Variants in NTAQ1 observed in about 807,000 individuals in gnomAD.
NTAQ1 encodes the protein protein N-terminal glutamine amidohydrolase.
In NTAQ1, 21 loss-of-function variants were observed where a neutral mutation model predicts 28.2. The ratio of observed to expected loss-of-function variants is 0.74; its 90% confidence interval spans 0.53 to 1.07. The LOEUF (loss-of-function observed/expected upper bound fraction) is 1.07, where lower values mean the gene tolerates loss of function less well. Ranked by LOEUF, NTAQ1 falls within the 50% of genes least tolerant of loss-of-function variation. The probability of loss-of-function intolerance (pLI) is 0.00; values close to 1 mark genes in which losing one functional copy is unlikely to be tolerated. For missense variants in NTAQ1, 264 were observed against 256.6 expected (o/e 1.03, Z -0.20); for synonymous variants, 105 against 90.0 (o/e 1.17, Z -0.94).
intron 1 of NTAQ1, among the ~76,000 whole-genome samples, chr8:123,423,286 C>A (rs1813828391): frequency 8.4e-6 from 1 of 118,418 alleles, no homozygotes; most frequent in South Asian, 3.4e-4. Flanking sequence ...CTCTTTCCTT[C>A]CTTCTCTTCT....
At chr8:123,433,057 G>A (rs1814494974) in intron 3 of NTAQ1, among the ~76,000 whole-genome samples, 1 of 152,188 alleles carries the variant, frequency 6.6e-6, no homozygotes, top group African/African-American at 2.4e-5. Flanking sequence ...ATAACATGGA[G>A]CAGATGGTGG....
At chr8:123,425,371 C>T (rs1389023814) in intron 1 of NTAQ1, among the ~76,000 whole-genome samples, 5 of 152,000 alleles carry the variant, frequency 3.3e-5, no homozygotes, top group South Asian at 2.1e-4. Context: ...GGATTACAGA[C>T]GTAAGCCACC....
At chr8:123,455,798 A>G (rs1815633840) in intron 6 of NTAQ1, among the ~76,000 whole-genome samples, 1 of 152,132 alleles carries the variant, frequency 6.6e-6, no homozygotes, top group Non-Finnish European at 1.5e-5. Flanking sequence ...TTCTGGGACC[A>G]TGTATCATGA....
At position 123,438,819 on chromosome 8, in the gene NTAQ1, TTA is replaced by T. The variant is rs1227875935; in HGVS notation, c.508+1489_508+1490del. ...TGAAAAGCTCTCATAATTTAAAAAA[TTA>T]TATTGGAATTGCTTATCAGTACACA... On this transcript the variant is annotated intron_variant, in intron 5 of 5. Coordinates refer to ENST00000287387, the MANE Select transcript of NTAQ1 (RefSeq NM_018024.3). Among the ~76,000 whole-genome samples, 10 of 152,200 alleles carry T rather than the reference TTA, an allele frequency of 6.6e-5. No individual in the cohort carries two copies. The East Asian group carries it at 1.9e-3, about 29-fold the overall frequency.
intron 3 of NTAQ1, among the ~76,000 whole-genome samples, chr8:123,432,978 C>A (rs935723039): frequency 1.4e-4 from 21 of 152,108 alleles, no homozygotes; most frequent in African/African-American, 4.8e-4. Flanking sequence ...CTGTGCCTGT[C>A]CTCCTGTAAT....
intron 4 of NTAQ1, 62 bp downstream of exon 4, chr8:123,436,663 G>A: frequency 2.0e-6 from 3 of 1,532,358 alleles, no homozygotes; most frequent in Non-Finnish European, 1.8e-6. Flanking sequence ...ATTCCACAGA[G>A]GTTCTTTTTT....
chr8:123,420,835 G>T (rs927252648), intron 1 of NTAQ1, among the ~76,000 whole-genome samples: 11 of 152,016 alleles, frequency 7.2e-5, no homozygotes, highest in African/African-American at 2.7e-4. Context: ...CTGTCACCAG[G>T]CTGGAGTGCA....
At chr8:123,434,845 G>A (rs1429908878) in intron 3 of NTAQ1, among the ~76,000 whole-genome samples, 1 of 152,104 alleles carries the variant, frequency 6.6e-6, no homozygotes. Context: ...GGCAGTGGTG[G>A]ACTGTTTGGG....
Position 123,441,375 on chromosome 8 carries a change from T to C in NTAQ1, c.578T>C (p.Leu193Pro). The part of the protein sequence containing the change: ...PKVGWGAVYT[L>P]SEFTHRFGSK... ...GTAGGATGGGGCGCCGTCTACACAC[T>C]ATCCGAATTTACACATCGGTTTGGC... The change falls in exon 6 of 6, where the codon CTA (leucine) becomes CCA (proline). Residue 193 changes from leucine to proline, a missense_variant. Physicochemically the swap from Leu to Pro is moderately conservative, Grantham distance 98. Coordinates refer to ENST00000287387, the MANE Select transcript of NTAQ1 (RefSeq NM_018024.3). 1.2e-6 allele frequency: 2 copies of C among 1,611,792 alleles called. No individual in the cohort carries two copies. Among genetic ancestry groups the C allele is most frequent in the Non-Finnish European group, 1.7e-6 (2 of 1,178,732 alleles).
Position 123,437,283 on chromosome 8 carries a change from AGT to A in NTAQ1, c.459_460del (p.Ser153ArgfsTer14). On this transcript the variant is annotated frameshift_variant, in exon 5 of 6. Coordinates refer to ENST00000287387, the MANE Select transcript of NTAQ1 (RefSeq NM_018024.3). LOFTEE classifies it high-confidence loss of function. ...ASDRSHMKDS[S>X]GNWREPPPPY... ...TGACCGATCTCACATGAAAGACTCCAGTGGGAATTGGAGAGAGCCTCCGCCGC... is the reference window on the plus strand; with the variant it reads ...TGACCGATCTCACATGAAAGACTCCAGGGAATTGGAGAGAGCCTCCGCCGC... 6.2e-7 allele frequency: 1 copy of A among 1,614,170 alleles called. No individual in the cohort carries two copies. Among genetic ancestry groups the A allele is most frequent in the Non-Finnish European group, 8.5e-7 (1 of 1,180,002 alleles).
chr8:123,475,607 A>G, the NTAQ1 span, among the ~76,000 whole-genome samples: 210 of 152,348 alleles, frequency 1.4e-3, no homozygotes, highest in Non-Finnish European at 2.4e-3. Context: ...AAGGACCACA[A>G]TGAATACATT....
At chr8:123,437,362 G>T in intron 5 of NTAQ1, 28 bp downstream of exon 5, 1 of 1,612,972 alleles carries the variant, frequency 6.2e-7, no homozygotes, top group Non-Finnish European at 8.5e-7. Context: ...CTCAGATGGG[G>T]GTTCTGATTG....
intron 6 of NTAQ1, among the ~76,000 whole-genome samples, chr8:123,459,824 A>T (rs796727633): frequency 6.0e-4 from 72 of 119,106 alleles, no homozygotes; most frequent in African/African-American, 1.8e-3. Context: ...TTTTTTTGAG[A>T]TGGAGTTTCA....
chr8:123,417,658 TC>T (rs1487319543), intron 1 of NTAQ1, among the ~76,000 whole-genome samples: 1 of 152,086 alleles, frequency 6.6e-6, no homozygotes, highest in East Asian at 1.9e-4. Flanking sequence ...CAGCTTCTAG[TC>T]CTTGTACAGG....
intron 6 of NTAQ1, among the ~76,000 whole-genome samples, chr8:123,460,628 C>T (rs756190526): frequency 1.1e-4 from 16 of 152,158 alleles, no homozygotes; most frequent in Admixed American, 2.6e-4. Flanking sequence ...AGGAAAAAAG[C>T]GGTCAGGGTA....
At chr8:123,460,817 G>A (rs552060067) in intron 6 of NTAQ1, among the ~76,000 whole-genome samples, 4 of 150,926 alleles carry the variant, frequency 2.7e-5, no homozygotes, top group South Asian at 2.1e-4. Context: ...GTTTGACGAC[G>A]TAGTGGAGTT....
At position 123,440,481 on chromosome 8, in the gene NTAQ1, T is replaced by G. The variant is rs369285789; in HGVS notation, c.509-825T>G. Among the ~76,000 whole-genome samples the G allele has an allele frequency of 1.3e-3, 191 of 148,370 alleles. 3 individuals are homozygous for G. The South Asian group carries it at 0.04, about 31-fold the overall frequency. On this transcript the variant is annotated intron_variant, in intron 5 of 5. Coordinates refer to ENST00000287387, the MANE Select transcript of NTAQ1 (RefSeq NM_018024.3). ...GCTTTTCGTCTTTCTGAGTAAAGGT[T>G]GAGAGTAGCGTTCCTTTCTTCTTTT...
At chr8:123,424,719 C>T (rs556438050) in intron 1 of NTAQ1, among the ~76,000 whole-genome samples, 12 of 152,254 alleles carry the variant, frequency 7.9e-5, no homozygotes, top group African/African-American at 2.9e-4. Flanking sequence ...TGTATTAACT[C>T]TAAGCCCACC....
At chr8:123,468,021 T>C (rs1371917342) in exon 7 of NTAQ1, among the ~76,000 whole-genome samples, 1 of 151,958 alleles carries the variant, frequency 6.6e-6, no homozygotes, top group East Asian at 1.9e-4. Context: ...GTGCTGGAGG[T>C]TCAGGATCTC....
Sources: allele counts gnomAD v4.1 joint callset (sites outside exome capture counted in the v4.1 genomes callset), GRCh38; gene constraint gnomAD v4.1.1; transcripts MANE v1.5; gene names NCBI Gene and HGNC (gene_info 2026-07-23, HGNC 2026-07-21).